TAFA2: variants seen among roughly 807,000 people sequenced by gnomAD.
TAFA2 encodes TAFA chemokine like family member 2.
In TAFA2, 7 loss-of-function variants were observed where a neutral mutation model predicts 18.8. The observed-to-expected ratio is 0.37, with a 90% CI of 0.21 to 0.70. TAFA2 has a LOEUF of 0.70. Among genes scored for constraint, TAFA2 ranks in the 30% least tolerant of loss-of-function variants. The pLI is 0.53. For synonymous variants in TAFA2, 60 were observed against 54.2 expected, an observed-to-expected ratio of 1.11 and a Z score of -0.47; for missense variants, 122 against 158.1, an observed-to-expected ratio of 0.77 and a Z score of 1.23.
chr12:62,053,008 G>A (rs538981386), intron 1 of TAFA2, among the ~76,000 whole-genome samples: 9 of 152,262 alleles, frequency 5.9e-5, no homozygotes, highest in South Asian at 2.1e-4. Flanking sequence ...GGTCGTTGTC[G>A]TTTTTATTGC....
chr12:61,928,242 A>T (rs1877393529), intron 1 of TAFA2, among the ~76,000 whole-genome samples: 1 of 152,196 alleles, frequency 6.6e-6, no homozygotes, highest in African/African-American at 2.4e-5. Context: ...AATGGGAGAA[A>T]ATTTTTGCAA....
intron 4 of TAFA2, among the ~76,000 whole-genome samples, chr12:61,730,569 A>G (rs546891160): frequency 1.7e-4 from 26 of 152,088 alleles, no homozygotes; most frequent in Non-Finnish European, 3.2e-4. Flanking sequence ...CAGACTCTCC[A>G]TGGGCAGGGC....
intron 1 of TAFA2, among the ~76,000 whole-genome samples, chr12:62,158,038 C>T (rs1162350350): frequency 6.6e-6 from 1 of 152,102 alleles, no homozygotes; most frequent in Non-Finnish European, 1.5e-5. Context: ...TCTTATGTGA[C>T]TCTGATAGTC....
Position 61,905,877 on chromosome 12 carries a change from T to A in TAFA2, c.-1-38451A>T, listed in dbSNP as rs577382531. Among the ~76,000 whole-genome samples the A allele has an allele frequency of 5.9e-5, 9 of 152,222 alleles. No individual in the cohort carries two copies. In the South Asian group the frequency reaches 1.0e-3, roughly 18 times the overall value. On this transcript the variant is annotated intron_variant, in intron 1 of 4. Transcript: ENST00000416284. ...ATTGCCACCAGGCACACAGACACAC[T>A]CACACACAGGCCCCAGAGCTCTCTG...
intron 1 of TAFA2, among the ~76,000 whole-genome samples, chr12:61,887,444 T>A (rs114633694): frequency 0.011 from 1,733 of 152,120 alleles, 29 homozygotes; most frequent in African/African-American, 0.036. Flanking sequence ...GCTTTTTTTT[T>A]TTATTATACT....
At chr12:61,929,993 T>A (rs984065441) in intron 1 of TAFA2, among the ~76,000 whole-genome samples, 26 of 122,460 alleles carry the variant, frequency 2.1e-4, no homozygotes, top group African/African-American at 6.4e-4. Context: ...CATCACACTC[T>A]GGGGACTGTT....
intron 1 of TAFA2, among the ~76,000 whole-genome samples, chr12:61,906,022 A>G (rs1310331519): frequency 6.6e-6 from 1 of 152,206 alleles, no homozygotes; most frequent in Non-Finnish European, 1.5e-5. Context: ...AAGTATACTA[A>G]TTCAGAGTAA....
chr12:61,894,529 C>T (rs774838528), intron 1 of TAFA2, among the ~76,000 whole-genome samples: 2 of 152,166 alleles, frequency 1.3e-5, no homozygotes, highest in Non-Finnish European at 2.9e-5. Context: ...ACAGTAAAGA[C>T]AATTGTTTAA....
chr12:61,712,086 GAGAA>G (rs948776663), intron 4 of TAFA2, among the ~76,000 whole-genome samples: 1 of 151,966 alleles, frequency 6.6e-6, no homozygotes, highest in Non-Finnish European at 1.5e-5. Flanking sequence ...GAAATTGAGA[GAGAA>G]AGAGAGAGAG....
At chr12:61,958,368 C>T (rs1324685757) in intron 1 of TAFA2, among the ~76,000 whole-genome samples, 2 of 151,810 alleles carry the variant, frequency 1.3e-5, no homozygotes, top group African/African-American at 4.8e-5. Context: ...TTTTTTTATT[C>T]TACGGTATAA....
chr12:61,869,079 G>A (rs541606537), intron 1 of TAFA2, among the ~76,000 whole-genome samples: 3 of 152,258 alleles, frequency 2.0e-5, no homozygotes, highest in Admixed American at 2.0e-4. Context: ...AAGTGTTTGG[G>A]AGGCTTGTCC....
chr12:62,221,505 A>C (rs1470854089), intron 1 of TAFA2, among the ~76,000 whole-genome samples: 2 of 152,146 alleles, frequency 1.3e-5, no homozygotes, highest in Non-Finnish European at 2.9e-5. Flanking sequence ...GTTCAGGGAA[A>C]AACAAATAGA....
intron 1 of TAFA2, among the ~76,000 whole-genome samples, chr12:62,223,067 A>C (rs2062770700): frequency 6.6e-6 from 1 of 152,246 alleles, no homozygotes; most frequent in Admixed American, 6.5e-5. Flanking sequence ...ACTCAGCTGT[A>C]TTAAAATATA....
chr12:61,933,726 A>G (rs1877656147), intron 1 of TAFA2, among the ~76,000 whole-genome samples: 1 of 152,184 alleles, frequency 6.6e-6, no homozygotes, highest in Non-Finnish European at 1.5e-5. Flanking sequence ...CTGTCTCTTT[A>G]TATATCTAAG....
chr12:62,035,729 C>CTTT (rs1881583307), intron 1 of TAFA2, among the ~76,000 whole-genome samples: 2 of 74,756 alleles, frequency 2.7e-5, no homozygotes, highest in African/African-American at 1.1e-4. Context: ...GTCAATGATT[C>CTTT]TTTCTTTTTT....
intron 1 of TAFA2, among the ~76,000 whole-genome samples, chr12:61,982,600 C>T (rs144237125): frequency 3.2e-4 from 48 of 151,944 alleles, no homozygotes; most frequent in African/African-American, 1.1e-3. Flanking sequence ...TTTAAGTGTC[C>T]CATGTTAAAC....
intron 4 of TAFA2, among the ~76,000 whole-genome samples, chr12:61,747,125 C>T (rs1234649773): frequency 6.6e-5 from 10 of 152,136 alleles, no homozygotes; most frequent in Non-Finnish European, 1.5e-4. Context: ...AAGTGCTCAT[C>T]ACTGGCCATC....
chr12:61,963,950 A>T (rs1878979050), intron 1 of TAFA2, among the ~76,000 whole-genome samples: 1 of 152,100 alleles, frequency 6.6e-6, no homozygotes, highest in South Asian at 2.1e-4. Flanking sequence ...CTGATCTTTG[A>T]CAAACCTGGC....
chr12:61,857,893 A>G (rs897925826), intron 2 of TAFA2, among the ~76,000 whole-genome samples: 1 of 152,316 alleles, frequency 6.6e-6, no homozygotes, highest in Admixed American at 6.5e-5. Context: ...CCAGGGGAAA[A>G]AAAAGAGACC....
Sources: gnomAD v4.1 joint callset for allele counts (sites outside exome capture counted in the v4.1 genomes callset) on GRCh38, gnomAD v4.1.1 for gene constraint, MANE v1.5 for transcripts, NCBI Gene and HGNC (gene_info 2026-07-23, HGNC 2026-07-21) for gene names.